Variants in SMCO2 observed in about 807,000 individuals in gnomAD.
The protein encoded by SMCO2 is single-pass membrane protein with coiled-coil domains 2.
A neutral mutation model predicts 29.5 loss-of-function variants in SMCO2; 25 were observed. The ratio of observed to expected loss-of-function variants is 0.85; its 90% CI spans 0.62 to 1.18. The LOEUF (loss-of-function observed/expected upper bound fraction) is 1.18, where lower values mean the gene tolerates loss of function less well. Among genes scored for constraint, SMCO2 ranks in the 50% most tolerant of loss-of-function variants. SMCO2 has a pLI of 0.00. For missense variants in SMCO2, 348 were observed against 344.5 expected (o/e 1.01, Z -0.08); for synonymous variants, 117 against 123.3 (o/e 0.95, Z 0.34).
intron 1 of SMCO2, among the ~76,000 whole-genome samples, chr12:27,467,392 TAA>T (rs1206908311): frequency 2.6e-5 from 4 of 151,486 alleles, no homozygotes; most frequent in Non-Finnish European, 5.9e-5. Flanking sequence ...AGAGTATGAG[TAA>T]CTCCCAACTT....
At chr12:27,461,780 G>C in the SMCO2 span, among the ~76,000 whole-genome samples, 28 of 152,150 alleles carry the variant, frequency 1.8e-4, no homozygotes, top group Admixed American at 4.6e-4. Flanking sequence ...ATTTAAGAAA[G>C]CTCCCCTTCC....
chr12:27,502,170 T>C, exon 8 of SMCO2: 1 of 1,394,192 alleles, frequency 7.2e-7, no homozygotes, highest in East Asian at 2.6e-5. Flanking sequence ...CAGTAAACAT[T>C]GTGGCTGTTC....
intron 4 of SMCO2, among the ~76,000 whole-genome samples, chr12:27,487,950 GC>G (rs1434639038): frequency 6.6e-6 from 1 of 151,150 alleles, no homozygotes; most frequent in African/African-American, 2.4e-5. Context: ...TTAATGTTGA[GC>G]TTTTTTTGAG....
chr12:27,465,609 A>G (rs1053859965), upstream of SMCO2, among the ~76,000 whole-genome samples: 4 of 152,228 alleles, frequency 2.6e-5, no homozygotes, highest in South Asian at 2.1e-4. Flanking sequence ...AATCATGCCT[A>G]CCATGTATGC....
In SMCO2 at chr12:27,501,272, C is replaced by T. The variant is rs1272922095; in HGVS notation, c.684-651C>T. Among the ~76,000 whole-genome samples, 3 of 148,258 alleles carry T rather than the reference C, an allele frequency of 2.0e-5. 1 individual carries two copies. The highest frequency in any genetic ancestry group is 5.1e-5 in the African/African-American group (2 of 39,052). On this transcript the variant is annotated intron_variant, in intron 7 of 7. Transcript: ENST00000298876. The stretch of plus-strand genomic sequence containing the variant: ...TCTACTAAAAATACAAAAAATTAGC[C>T]GGGCGTGGTGGTGGGCGCCTGTAAT...
intron 4 of SMCO2, among the ~76,000 whole-genome samples, chr12:27,486,180 C>G (rs1056922858): frequency 2.6e-5 from 4 of 152,164 alleles, no homozygotes; most frequent in Non-Finnish European, 5.9e-5. Flanking sequence ...CTAATCAGTG[C>G]CTCAGCTGAA....
chr12:27,493,266 A>G (rs1044467770), intron 5 of SMCO2, among the ~76,000 whole-genome samples: 5 of 152,176 alleles, frequency 3.3e-5, no homozygotes, highest in Non-Finnish European at 7.4e-5. Context: ...TAATCTGTAC[A>G]GCAAACCCCC....
intron 4 of SMCO2, among the ~76,000 whole-genome samples, chr12:27,477,868 T>A (rs503966): frequency 0.11 from 17,484 of 152,140 alleles, 1,943 homozygotes; most frequent in African/African-American, 0.27. Context: ...TTTCTTTAGT[T>A]TCAATACTTT....
the SMCO2 span, among the ~76,000 whole-genome samples, chr12:27,436,593 A>C: frequency 6.6e-6 from 1 of 152,318 alleles, no homozygotes; most frequent in African/African-American, 2.4e-5. Flanking sequence ...GGTCAGGGAA[A>C]TAATGAGCTT....
At chr12:27,462,475 C>T (rs777520961), upstream of SMCO2, among the ~76,000 whole-genome samples, 4 of 152,138 alleles carry the variant, frequency 2.6e-5, no homozygotes, top group South Asian at 2.1e-4. Context: ...AAATCTTCGC[C>T]GCCTGAGGTT....
chr12:27,495,334 T>A lies in SMCO2; in HGVS notation c.508-346T>A, dbSNP rs763767552. Among the ~76,000 whole-genome samples the A allele has an allele frequency of 2.7e-5, 4 of 150,840 alleles. 1 individual carries two copies. The highest frequency in any genetic ancestry group is 4.4e-5 in the Non-Finnish European group (3 of 67,922). On this transcript the variant is annotated intron_variant, in intron 6 of 7. Coordinates refer to ENST00000298876, the Ensembl canonical transcript of SMCO2. The stretch of plus-strand genomic sequence containing the variant: ...TGTCTATTTTGTTAACACTGTATCC[T>A]AGAACCTGTTAGCAGTAATCACCCA...
chr12:27,448,866 C>T, the SMCO2 span, among the ~76,000 whole-genome samples: 2 of 151,932 alleles, frequency 1.3e-5, no homozygotes, highest in South Asian at 4.1e-4. Flanking sequence ...CTCCCGCTCC[C>T]ACACATAGTC....
the SMCO2 span, among the ~76,000 whole-genome samples, chr12:27,452,892 T>C: frequency 2.6e-5 from 4 of 152,200 alleles, no homozygotes; most frequent in African/African-American, 9.7e-5. Flanking sequence ...ATTTCTGATA[T>C]CACATCACTA....
At chr12:27,501,608 T>C (rs1051132059) in intron 7 of SMCO2, among the ~76,000 whole-genome samples, 3 of 150,120 alleles carry the variant, frequency 2.0e-5, no homozygotes, top group African/African-American at 7.5e-5. Context: ...AGAGACATCA[T>C]ATACATCATG....
upstream of SMCO2, among the ~76,000 whole-genome samples, chr12:27,463,476 A>G (rs1241665520): frequency 1.3e-5 from 2 of 152,098 alleles, no homozygotes; most frequent in African/African-American, 4.8e-5. Context: ...CACGTTGGCC[A>G]GGCTGGTCTC....
At chr12:27,473,719 C>T (rs776021243) in intron 3 of SMCO2, among the ~76,000 whole-genome samples, 5 of 152,180 alleles carry the variant, frequency 3.3e-5, no homozygotes, top group Non-Finnish European at 7.4e-5. Context: ...CAGTAGTTTA[C>T]GCAGACATTT....
the SMCO2 span, among the ~76,000 whole-genome samples, chr12:27,452,505 G>A: frequency 0.063 from 9,622 of 152,030 alleles, 353 homozygotes; most frequent in African/African-American, 0.088. Flanking sequence ...TTTTGTTCTC[G>A]TTGAAACAGA....
rs141086960 is a variant in SMCO2 at position 27,500,286 on chromosome 12, G to A, written c.684-1637G>A. Among the ~76,000 whole-genome samples, 509 of 149,910 alleles carry A rather than the reference G, an allele frequency of 3.4e-3. 33 individuals carry two copies. Among genetic ancestry groups the A allele is most frequent in the African/African-American group, 0.012 (479 of 40,068 alleles). On this transcript the variant is annotated intron_variant, in intron 7 of 7. Coordinates refer to ENST00000298876, the Ensembl canonical transcript of SMCO2. ...TTCATTACTGTCAAGAAATAAATAT[G>A]AATTTAACTGTACCAAGAGTATTTA...
the SMCO2 span, among the ~76,000 whole-genome samples, chr12:27,443,455 C>A: frequency 1.3e-5 from 2 of 152,168 alleles, no homozygotes; most frequent in Admixed American, 6.5e-5. Flanking sequence ...AAGACTGGAA[C>A]CACACAAGGA....
Sources: allele counts gnomAD v4.1 joint callset (sites outside exome capture counted in the v4.1 genomes callset), GRCh38; gene constraint gnomAD v4.1.1; transcripts MANE v1.5; gene names NCBI Gene and HGNC (gene_info 2026-07-23, HGNC 2026-07-21).